The following ZNF780B variants were observed in gnomAD, a reference collection of about 807,000 sequenced individuals.
ZNF780B encodes the protein zinc finger protein 780B.
In ZNF780B, 52 loss-of-function variants were observed where a neutral mutation model predicts 74.1. The ratio of observed to expected loss-of-function variants is 0.70; its 90% confidence interval spans 0.56 to 0.88. The LOEUF (loss-of-function observed/expected upper bound fraction) is 0.88. Among genes scored for constraint, ZNF780B ranks in the 40% least tolerant of loss-of-function variants. The pLI is 0.00. For synonymous variants in ZNF780B, 315 were observed against 324.3 expected, an observed-to-expected ratio of 0.97 and a Z score of 0.31; for missense variants, 953 against 1,007.6, an observed-to-expected ratio of 0.95 and a Z score of 0.73.
intron 2 of ZNF780B, chr19:40,049,060 GAA>G (rs374744126): frequency 9.9e-3 from 2,528 of 255,528 alleles, no homozygotes; most frequent in South Asian, 0.019. Flanking sequence ...GCACTCCCTG[GAA>G]AAAAAAAAAA....
At position 40,043,610 on chromosome 19, in the gene ZNF780B, C is replaced by T. The variant is rs376851672; in HGVS notation, c.232+3765G>A. ...TTACCTAATCCTGGGCAATGGCAGG[C>T]GCCCCTCCTCCAGCCTTGCTGCCAC... On this transcript the variant is annotated intron_variant, in intron 4 of 4. Coordinates refer to ENST00000434248, the MANE Select transcript of ZNF780B (RefSeq NM_001005851.3). Among the ~76,000 whole-genome samples the T allele has an allele frequency of 8.2e-4, 125 of 152,324 alleles. 1 individual carries two copies. In the East Asian group the frequency reaches 0.011, roughly 13 times the overall value.
rs752396031 is a variant in ZNF780B, at chr19:40,048,740, G to A, written c.66C>T (p.Cys22=). The A allele has an allele frequency of 2.0e-5, 32 of 1,614,158 alleles. No homozygotes were observed. The highest frequency in any genetic ancestry group is 8.5e-7 in the Non-Finnish European group (1 of 1,180,012). ...ACAAGGTCCTCTGATCAGGCTGCAG[G>A]CACTCCCACTCCTCCTGAGAGAAGT... is the stretch of plus-strand genomic sequence containing the variant. ...AIDFSQEEWE[C]LQPDQRTLYR... is the part of the protein sequence containing the mutation. The change falls in exon 3 of 5, where the codon TGC becomes TGT. Residue 22 remains cysteine, a synonymous_variant. Transcript: ENST00000434248.
intron 4 of ZNF780B, among the ~76,000 whole-genome samples, chr19:40,044,358 CA>C (rs1421901242): frequency 4.6e-5 from 7 of 152,086 alleles, no homozygotes; most frequent in Non-Finnish European, 8.8e-5. Flanking sequence ...AAGTCAAAGA[CA>C]AAAGAGAATA....
chr19:40,038,083 T>A, intron 4 of ZNF780B, among the ~76,000 whole-genome samples: 1 of 150,798 alleles, frequency 6.6e-6, no homozygotes, highest in South Asian at 2.1e-4. Context: ...CCCCACAACA[T>A]TCCCCGGAGT....
chr19:40,048,999 G>A lies in ZNF780B; in HGVS notation c.10-203C>T, dbSNP rs959594568. On this transcript the variant is annotated intron_variant, in intron 2 of 4. Coordinates refer to ENST00000434248, the MANE Select transcript of ZNF780B (RefSeq NM_001005851.3). ...AGCACTTTGGGAGACCAAGGTGGAA[G>A]GACTGCTTGAGCCCAGGAGTTGGCA... 5.5e-5 allele frequency: 39 copies of A among 706,164 alleles called. 1 individual carries two copies. The South Asian group carries it at 8.1e-4, about 15-fold the overall frequency. 43.7% of individuals were successfully genotyped at this position (706,164 alleles called of 1,614,324 possible). A position where few individuals can be genotyped will look rare whatever the true frequency, so the allele number is the denominator to read the frequency against.
chr19:40,039,330 T>C (rs1465518521), intron 4 of ZNF780B, among the ~76,000 whole-genome samples: 3 of 152,254 alleles, frequency 2.0e-5, no homozygotes, highest in Non-Finnish European at 4.4e-5. Context: ...TAGTATAGTT[T>C]GAAGTCAGGT....
rs375981954 is a variant in ZNF780B, at chr19:40,034,766, A to G, written c.2093T>C (p.Val698Ala). The G allele has an allele frequency of 2.5e-6, 4 of 1,613,414 alleles. No homozygotes were observed. In the African/African-American group the frequency reaches 5.4e-5, roughly 22 times the overall value. The part of the protein sequence containing the change: ...QKTHSSAKPF[V>A]CKECRKTFRY... ...AAAGGTCTTCCTACACTCCTTACAT[A>G]CAAAGGGTTTCGCACTGGAATGAGT... is the stretch of plus-strand genomic sequence containing the variant. The change falls in exon 5 of 5, where the codon GTA (valine) becomes GCA (alanine). Residue 698 changes from valine to alanine, a missense_variant. By Grantham distance (64) the Val-to-Ala change is moderately conservative. Coordinates refer to ENST00000434248, the MANE Select transcript of ZNF780B (RefSeq NM_001005851.3).
intron 2 of ZNF780B, among the ~76,000 whole-genome samples, chr19:40,050,057 C>T (rs138822690): frequency 0.014 from 2,157 of 151,938 alleles, 46 homozygotes; most frequent in African/African-American, 0.05. Context: ...ATTAGCCAGG[C>T]GTGCTGGTGG....
chr19:40,049,075 G>C, intron 2 of ZNF780B: 1 of 352,156 alleles, frequency 2.8e-6, no homozygotes, highest in Non-Finnish European at 5.3e-6. Flanking sequence ...AAAAAAAAAA[G>C]AAAGAAAGAA....
rs992228440 is a variant in ZNF780B at position 40,033,981 on chromosome 19, T to C, written c.*376A>G. 4 of 275,870 alleles carry C rather than the reference T, an allele frequency of 1.4e-5. No homozygotes were observed. The highest frequency in any genetic ancestry group is 2.8e-5 in the Non-Finnish European group (4 of 141,364). 17.1% of individuals were successfully genotyped at this position (275,870 alleles called of 1,614,324 possible). On this transcript the variant is annotated 3_prime_UTR_variant, in exon 5 of 5. Transcript: ENST00000434248. ...CTTTGATGTGCAGTAAAGACTAAGC[T>C]AAATCCAAAAGTTTTCCACATTCTT...
At chr19:40,054,649 C>T (rs1190854348) in intron 1 of ZNF780B, among the ~76,000 whole-genome samples, 1 of 152,158 alleles carries the variant, frequency 6.6e-6, no homozygotes, top group African/African-American at 2.4e-5. Flanking sequence ...GGGAAATGAC[C>T]TAAAATGACC....
At chr19:40,041,272 A>G (rs1972621682) in intron 4 of ZNF780B, among the ~76,000 whole-genome samples, 1 of 152,286 alleles carries the variant, frequency 6.6e-6, no homozygotes, top group East Asian at 1.9e-4. Context: ...TCTGAGAGAC[A>G]GTTTGTTATA....
chr19:40,030,709 TTGCA>T lies in ZNF780B; in HGVS notation c.*3644_*3647del, dbSNP rs1971973071. The T allele has an allele frequency of 6.6e-6, 1 of 152,194 alleles. No individual in the cohort carries two copies. Among genetic ancestry groups the T allele is most frequent in the African/African-American group, 2.4e-5 (1 of 41,442 alleles). 9.4% of individuals were successfully genotyped at this position (152,194 alleles called of 1,614,324 possible). A position where few individuals can be genotyped will look rare whatever the true frequency, so the allele number is the denominator to read the frequency against. On this transcript the variant is annotated 3_prime_UTR_variant, in exon 5 of 5. Coordinates refer to ENST00000434248, the MANE Select transcript of ZNF780B (RefSeq NM_001005851.3). ...GACTTCCAACATAGTACTGCCATGA[TTGCA>T]TGATGATAGAGTTTCACCGAAAGGC...
intron 4 of ZNF780B, among the ~76,000 whole-genome samples, chr19:40,043,829 G>C (rs1972792607): frequency 1.3e-5 from 2 of 152,232 alleles, no homozygotes; most frequent in African/African-American, 4.8e-5. Context: ...ACTAGGAAAG[G>C]GAACTCCCTG....
In ZNF780B at chr19:40,034,146, C is replaced by T; in HGVS notation, c.*211G>A. ...TTTTAACATGTTTAACAGGTTTGAA[C>T]TATGACTAAAGGCTTTCCCACATTC... On this transcript the variant is annotated 3_prime_UTR_variant, in exon 5 of 5. Coordinates refer to ENST00000434248, the MANE Select transcript of ZNF780B (RefSeq NM_001005851.3). 1.6e-6 allele frequency: 1 copy of T among 630,416 alleles called. No individual in the cohort carries two copies. The allele number at this position is 630,416 out of a possible 1,614,324, so 39.1% of individuals were successfully genotyped here.
chr19:40,035,202 C>CTGTA lies in ZNF780B; in HGVS notation c.1653_1656dup (p.Gly553TyrfsTer3). On this transcript the variant is annotated frameshift_variant, in exon 5 of 5. Transcript: ENST00000434248. LOFTEE classifies it high-confidence loss of function. Reference sequence around the variant, plus strand: ...TCCTTACATTCAAAGGGTTTCTCACCTGTATGAGTTTTCTCATGTTGAGAA... The same window carrying CTGTA: ...TCCTTACATTCAAAGGGTTTCTCACCTGTATGTATGAGTTTTCTCATGTTGAGAA... 6.2e-7 allele frequency: 1 copy of CTGTA among 1,614,048 alleles called. No individual in the cohort carries two copies. Among genetic ancestry groups the CTGTA allele is most frequent in the Non-Finnish European group, 8.5e-7 (1 of 1,180,000 alleles).
chr19:40,048,876 A>G, intron 2 of ZNF780B, 80 bp from the exon 3 acceptor site: 1 of 1,590,682 alleles, frequency 6.3e-7, no homozygotes, highest in South Asian at 1.1e-5. Flanking sequence ...GAAGGATTAA[A>G]CTGCAATAAA....
chr19:40,052,961 G>A (rs963966315), intron 1 of ZNF780B, among the ~76,000 whole-genome samples: 12 of 152,158 alleles, frequency 7.9e-5, no homozygotes, highest in Admixed American at 2.6e-4. Context: ...AGATTTAAAT[G>A]TAAGATCCCA....
Position 40,050,481 on chromosome 19 carries a change from C to T in ZNF780B, c.-45-104G>A, listed in dbSNP as rs554750867. Reference sequence around the variant, plus strand: ...CATTCCTATTTCTCAACTACTCCTGCTCACACGCACACTTCCACCCTTCTC... The same window carrying T: ...CATTCCTATTTCTCAACTACTCCTGTTCACACGCACACTTCCACCCTTCTC... On this transcript the variant is annotated intron_variant, in intron 1 of 4. Transcript: ENST00000434248. The T allele has an allele frequency of 3.6e-6, 4 of 1,122,082 alleles. No individual in the cohort carries two copies. In the South Asian group the frequency reaches 5.7e-5, roughly 16 times the overall value. The allele number at this position is 1,122,082 out of a possible 1,614,324, so 69.5% of individuals were successfully genotyped here. A position where few individuals can be genotyped will look rare whatever the true frequency, so the allele number is the denominator to read the frequency against.
Sources: gnomAD v4.1 joint callset for allele counts (sites outside exome capture counted in the v4.1 genomes callset) on GRCh38, gnomAD v4.1.1 for gene constraint, MANE v1.5 for transcripts, NCBI Gene and HGNC (gene_info 2026-07-23, HGNC 2026-07-21) for gene names.